The following PTPRD variants were observed in gnomAD, a reference collection of about 807,000 sequenced individuals.
PTPRD encodes the protein protein tyrosine phosphatase receptor type D, also known as receptor-type tyrosine-protein phosphatase delta.
PTPRD carries 34 observed loss-of-function variants against 214.5 expected under a neutral mutation model. That is an observed-to-expected ratio of 0.16 (90% CI 0.12 to 0.21). The LOEUF (loss-of-function observed/expected upper bound fraction) is 0.21. PTPRD is among the 10% of genes least tolerant of loss of function. The pLI, the probability that PTPRD is intolerant of heterozygous loss-of-function variation, is 1.00. For synonymous variants in PTPRD, 1,128 were observed against 845.7 expected, an observed-to-expected ratio of 1.33 and a Z score of -5.79; for missense variants, 2,545 against 2,398.7, an observed-to-expected ratio of 1.06 and a Z score of -1.27.
rs550290789 is a variant in PTPRD at position 8,492,276 on chromosome 9, C to A, written c.2467+586G>T. ...CAGCTCTTCTAAGGGGATTTGTTTT[C>A]CAGGGAAGTTGACATTGTTGCTTGA... On this transcript the variant is annotated intron_variant, in intron 27 of 45. Transcript: ENST00000381196. Among the ~76,000 whole-genome samples, 4 of 152,182 alleles carry A rather than the reference C, an allele frequency of 2.6e-5. No individual in the cohort carries two copies. The East Asian group carries it at 7.8e-4, about 30-fold the overall frequency.
chr9:9,202,046 C>G lies in PTPRD; in HGVS notation c.-202-18683G>C, dbSNP rs186080473. The stretch of plus-strand genomic sequence containing the variant: ...CAGTGCAAGAAGTGCTTGTTTCAAC[C>G]GGAAGATAAGAAAAGCCTTGATGGA... On this transcript the variant is annotated intron_variant, in intron 9 of 45. Coordinates refer to ENST00000381196, the MANE Select transcript of PTPRD (RefSeq NM_002839.4). Among the ~76,000 whole-genome samples the G allele has an allele frequency of 2.0e-5, 3 of 152,236 alleles. No individual in the cohort carries two copies. In the South Asian group the frequency reaches 6.2e-4, roughly 32 times the overall value.
intron 8 of PTPRD, among the ~76,000 whole-genome samples, chr9:9,399,785 C>T (rs971179757): frequency 3.9e-5 from 6 of 152,018 alleles, no homozygotes; most frequent in Admixed American, 6.6e-5. Context: ...ATTCACCTTC[C>T]GCCATGATTC....
At chr9:9,623,594 C>T (rs2095320930) in intron 7 of PTPRD, among the ~76,000 whole-genome samples, 1 of 152,152 alleles carries the variant, frequency 6.6e-6, no homozygotes, top group Non-Finnish European at 1.5e-5. Context: ...AGACCCAGCA[C>T]AGTGTCACAC....
chr9:8,713,744 TC>T, intron 12 of PTPRD: 1 of 1,509,912 alleles, frequency 6.6e-7, no homozygotes, highest in South Asian at 1.1e-5. Context: ...GTCAAGCAGT[TC>T]CACGACTGCA....
At chr9:9,286,305 C>T (rs1030842416) in intron 9 of PTPRD, among the ~76,000 whole-genome samples, 7 of 151,818 alleles carry the variant, frequency 4.6e-5, no homozygotes, top group Non-Finnish European at 1.0e-4. Context: ...CTTTTGTTAT[C>T]AGATGAGTCC....
At chr9:9,411,996 T>A (rs1261901272) in intron 8 of PTPRD, among the ~76,000 whole-genome samples, 1 of 152,200 alleles carries the variant, frequency 6.6e-6, no homozygotes, top group South Asian at 2.1e-4. Context: ...CAGGGCCACA[T>A]AGTGAATCCA....
intron 5 of PTPRD, among the ~76,000 whole-genome samples, chr9:9,912,194 C>A (rs565037531): frequency 6.6e-6 from 1 of 151,936 alleles, no homozygotes; most frequent in Admixed American, 6.6e-5. Flanking sequence ...CTTTTTTAAT[C>A]GTTTAATTTA....
intron 5 of PTPRD, among the ~76,000 whole-genome samples, chr9:9,936,334 C>G (rs1045037031): frequency 6.2e-4 from 94 of 151,812 alleles, no homozygotes; most frequent in African/African-American, 2.3e-3. Context: ...ACTCATCTGA[C>G]AAAGGGCTAA....
chr9:9,137,240 C>T (rs1037391625), intron 10 of PTPRD, among the ~76,000 whole-genome samples: 4 of 152,060 alleles, frequency 2.6e-5, no homozygotes, highest in African/African-American at 9.7e-5. Context: ...TTTATTGTTT[C>T]AATAATTTAT....
chr9:8,517,798 T>C (rs2138438103), intron 21 of PTPRD, 50 bp downstream of exon 21: 1 of 1,503,376 alleles, frequency 6.7e-7, no homozygotes. Flanking sequence ...TCTCACCTCT[T>C]TGCACCAGCC....
intron 2 of PTPRD, among the ~76,000 whole-genome samples, chr9:10,589,358 G>A (rs901562226): frequency 6.6e-6 from 1 of 152,000 alleles, no homozygotes; most frequent in Admixed American, 6.6e-5. Flanking sequence ...GGAAAGAAAG[G>A]AAATTATCAG....
At chr9:9,006,486 T>C (rs557437587) in intron 11 of PTPRD, among the ~76,000 whole-genome samples, 5 of 152,030 alleles carry the variant, frequency 3.3e-5, no homozygotes, top group Non-Finnish European at 7.4e-5. Context: ...TAGTCACTGA[T>C]CCCCAGAGTT....
intron 2 of PTPRD, among the ~76,000 whole-genome samples, chr9:10,596,602 G>A (rs1026811644): frequency 6.6e-6 from 1 of 151,562 alleles, no homozygotes; most frequent in Non-Finnish European, 1.5e-5. Context: ...TAATTATTTT[G>A]TAATAAGCAG....
intron 2 of PTPRD, among the ~76,000 whole-genome samples, chr9:10,378,515 AG>A (rs2097768997): frequency 1.3e-5 from 2 of 151,978 alleles, no homozygotes; most frequent in Non-Finnish European, 2.9e-5. Flanking sequence ...CCCTATCTCT[AG>A]TTTCATTCTT....
chr9:9,913,363 T>C (rs1208468821), intron 5 of PTPRD, among the ~76,000 whole-genome samples: 2 of 152,080 alleles, frequency 1.3e-5, no homozygotes, highest in Non-Finnish European at 2.9e-5. Context: ...GCTATATAAA[T>C]TGCAGGAGGC....
intron 8 of PTPRD, among the ~76,000 whole-genome samples, chr9:9,483,705 C>A (rs775230453): frequency 8.6e-5 from 13 of 151,782 alleles, no homozygotes; most frequent in East Asian, 3.9e-4. Context: ...TCTGGATGCT[C>A]TGAGCCCAAG....
intron 35 of PTPRD, among the ~76,000 whole-genome samples, chr9:8,413,468 ACTTAAAAAACT>A (rs2093679587): frequency 6.6e-6 from 1 of 152,136 alleles, no homozygotes; most frequent in Admixed American, 6.6e-5. Context: ...CCAAATAATC[ACTTAAAAAACT>A]CTTGTACCCC....
Position 8,466,990 on chromosome 9 carries a change from G to A in PTPRD, c.3505-1315C>T, listed in dbSNP as rs79903150. 7.7e-3 allele frequency among the ~76,000 whole-genome samples: 1,174 copies of A among 151,882 alleles called. 16 individuals carry two copies. The highest frequency in any genetic ancestry group is 0.026 in the African/African-American group (1,096 of 41,498). ...TCTTCCATTAGGAATTTGATCGTACGTTACAGTCCCTCCTACACTGGGAGT... is the reference window on the plus strand; with the variant it reads ...TCTTCCATTAGGAATTTGATCGTACATTACAGTCCCTCCTACACTGGGAGT... On this transcript the variant is annotated intron_variant, in intron 31 of 45. Transcript: ENST00000381196.
chr9:8,952,978 A>C (rs2099111263), intron 11 of PTPRD, among the ~76,000 whole-genome samples: 1 of 152,058 alleles, frequency 6.6e-6, no homozygotes, highest in East Asian at 1.9e-4. Flanking sequence ...CTGCAATAAA[A>C]TGTTTGCAGG....
Sources: gnomAD v4.1 joint callset for allele counts (sites outside exome capture counted in the v4.1 genomes callset) on GRCh38, gnomAD v4.1.1 for gene constraint, MANE v1.5 for transcripts, NCBI Gene and HGNC (gene_info 2026-07-23, HGNC 2026-07-21) for gene names.